The following IL1RL2 variants were observed in gnomAD, a reference collection of about 807,000 sequenced individuals.
The protein encoded by IL1RL2 is interleukin 1 receptor like 2.
IL1RL2 carries 68 observed loss-of-function variants against 66.8 expected under a neutral mutation model. The observed-to-expected ratio is 1.02, with a 90% CI of 0.84 to 1.25. IL1RL2 has a LOEUF of 1.25. Ranked by LOEUF, IL1RL2 falls within the 50% of genes most tolerant of loss-of-function variation. The pLI, the probability that IL1RL2 is intolerant of heterozygous loss-of-function variation, is 0.00. For synonymous variants in IL1RL2, 305 were observed against 264.6 expected, an observed-to-expected ratio of 1.15 and a Z score of -1.48; for missense variants, 729 against 709.3, an observed-to-expected ratio of 1.03 and a Z score of -0.32.
intron 4 of IL1RL2, among the ~76,000 whole-genome samples, chr2:102,199,626 T>C (rs1311156318): frequency 6.6e-6 from 1 of 152,188 alleles, no homozygotes; most frequent in African/African-American, 2.4e-5. Flanking sequence ...AATGTTCCAG[T>C]GGATCAGAAT....
At chr2:102,203,851 T>C (rs1960461) in intron 5 of IL1RL2, among the ~76,000 whole-genome samples, 42,586 of 151,970 alleles carry the variant, frequency 0.28, 6,589 homozygotes, top group East Asian at 0.38. Flanking sequence ...TTTCCCTTTT[T>C]AAAGAACCAA....
chr2:102,237,831 CTA>C (rs1476268605), intron 11 of IL1RL2, among the ~76,000 whole-genome samples: 1 of 152,076 alleles, frequency 6.6e-6, no homozygotes, highest in Non-Finnish European at 1.5e-5. Flanking sequence ...AGTTCAACGG[CTA>C]AGGGACAAAA....
intron 8 of IL1RL2, among the ~76,000 whole-genome samples, chr2:102,222,779 C>T (rs1034507439): frequency 4.6e-5 from 7 of 152,202 alleles, no homozygotes; most frequent in African/African-American, 1.4e-4. Flanking sequence ...AATGCAGCCT[C>T]GCTTAGGCCA....
At chr2:102,200,990 C>T (rs749883119) in intron 4 of IL1RL2, among the ~76,000 whole-genome samples, 2 of 151,962 alleles carry the variant, frequency 1.3e-5, no homozygotes, top group Non-Finnish European at 2.9e-5. Flanking sequence ...CTATAAAGTC[C>T]AATGCTTGAT....
intron 6 of IL1RL2, among the ~76,000 whole-genome samples, chr2:102,214,995 C>A (rs753805126): frequency 6.6e-6 from 1 of 152,292 alleles, no homozygotes; most frequent in Non-Finnish European, 1.5e-5. Context: ...GAGGAAATCA[C>A]CCTTTCTCTG....
intron 6 of IL1RL2, among the ~76,000 whole-genome samples, chr2:102,213,663 T>A (rs1052157659): frequency 2.6e-5 from 4 of 152,166 alleles, no homozygotes; most frequent in Non-Finnish European, 1.5e-5. Flanking sequence ...TCATGGCATA[T>A]GACCAACTCT....
downstream of IL1RL2, among the ~76,000 whole-genome samples, chr2:102,242,680 G>A (rs1172426085): frequency 6.6e-6 from 1 of 151,840 alleles, no homozygotes; most frequent in African/African-American, 2.4e-5. Context: ...TCTGGGGAAG[G>A]CTCACTGTCT....
chr2:102,235,821 C>T (rs764562346), intron 11 of IL1RL2: 171 of 985,326 alleles, frequency 1.7e-4, no homozygotes, highest in Non-Finnish European at 2.0e-4. Flanking sequence ...CAAAGAGCTG[C>T]AAACACAGCC....
intron 5 of IL1RL2, among the ~76,000 whole-genome samples, chr2:102,205,627 A>T (rs769401986): frequency 6.6e-6 from 1 of 152,056 alleles, no homozygotes; most frequent in Admixed American, 6.5e-5. Flanking sequence ...ATTGTATGTT[A>T]TTTGTTCCTT....
At chr2:102,216,446 G>C (rs968690933) in intron 6 of IL1RL2, among the ~76,000 whole-genome samples, 11 of 151,916 alleles carry the variant, frequency 7.2e-5, no homozygotes, top group African/African-American at 2.7e-4. Flanking sequence ...TATCCTTACT[G>C]GACCTACTGT....
At chr2:102,198,751 C>G (rs1395927261) in intron 4 of IL1RL2, among the ~76,000 whole-genome samples, 1 of 152,148 alleles carries the variant, frequency 6.6e-6, no homozygotes, top group South Asian at 2.1e-4. Context: ...ATGGTTTCAG[C>G]TGCGGTCATC....
At chr2:102,212,225 T>G (rs747587889) in intron 6 of IL1RL2, 51 bp downstream of exon 6, 8 of 1,247,860 alleles carry the variant, frequency 6.4e-6, no homozygotes, top group African/African-American at 1.5e-5. Flanking sequence ...GAGCTCATTA[T>G]GTTTGCATAT....
At chr2:102,241,469 G>A (rs1375311835), downstream of IL1RL2, among the ~76,000 whole-genome samples, 1 of 152,188 alleles carries the variant, frequency 6.6e-6, no homozygotes, top group Non-Finnish European at 1.5e-5. Flanking sequence ...GTAAAAAAGG[G>A]ATAATACAAT....
intron 11 of IL1RL2, 115 bp downstream of exon 11, chr2:102,235,392 G>T: frequency 6.7e-7 from 1 of 1,493,420 alleles, no homozygotes; most frequent in Non-Finnish European, 8.9e-7. Context: ...CTCTGAAGCT[G>T]GCAGTTGCGT....
chr2:102,199,889 T>C (rs1049498429), intron 4 of IL1RL2, among the ~76,000 whole-genome samples: 1 of 152,142 alleles, frequency 6.6e-6, no homozygotes, highest in Non-Finnish European at 1.5e-5. Flanking sequence ...CTGAGTTCAG[T>C]GGCTTATGCC....
chr2:102,200,955 G>A (rs1423259297), intron 4 of IL1RL2, among the ~76,000 whole-genome samples: 1 of 152,162 alleles, frequency 6.6e-6, no homozygotes, highest in Non-Finnish European at 1.5e-5. Context: ...CAAATTGGAT[G>A]TTGGTGAAGA....
At chr2:102,200,984 A>C (rs1049551003) in intron 4 of IL1RL2, among the ~76,000 whole-genome samples, 1 of 152,118 alleles carries the variant, frequency 6.6e-6, no homozygotes, top group Non-Finnish European at 1.5e-5. Flanking sequence ...GGACTTCTAT[A>C]AAGTCCAATG....
chr2:102,219,208 C>A, intron 7 of IL1RL2, 126 bp downstream of exon 7: 2 of 1,030,438 alleles, frequency 1.9e-6, no homozygotes, highest in Non-Finnish European at 3.0e-6. Flanking sequence ...ATCAATCCCA[C>A]CTATCACATA....
intron 1 of IL1RL2, chr2:102,187,418 C>T (rs1200811301): frequency 3.6e-6 from 4 of 1,116,944 alleles, no homozygotes; most frequent in Admixed American, 8.2e-5. Context: ...CGGGTGGATC[C>T]CGAGGACACA....
Sources: gnomAD v4.1 joint callset for allele counts (sites outside exome capture counted in the v4.1 genomes callset) on GRCh38, gnomAD v4.1.1 for gene constraint, MANE v1.5 for transcripts, NCBI Gene and HGNC (gene_info 2026-07-23, HGNC 2026-07-21) for gene names.